The following RAB10 variants were observed in gnomAD, a reference collection of about 807,000 sequenced individuals.
RAB10 encodes the protein ras-related protein Rab-10.
A neutral mutation model predicts 25.7 loss-of-function variants in RAB10; 5 were observed. That is an observed-to-expected ratio of 0.19 (90% CI 0.10 to 0.41). RAB10 has a LOEUF of 0.41. Among genes scored for constraint, RAB10 ranks in the 10% least tolerant of loss-of-function variants. The pLI, the probability that RAB10 is intolerant of heterozygous loss-of-function variation, is 1.00. For missense variants in RAB10, 103 were observed against 245.8 expected, an observed-to-expected ratio of 0.42 and a Z score of 3.89; for synonymous variants, 89 against 86.4, an observed-to-expected ratio of 1.03 and a Z score of -0.16.
At chr2:26,062,470 G>C (rs1467389860) in intron 1 of RAB10, among the ~76,000 whole-genome samples, 1 of 152,064 alleles carries the variant, frequency 6.6e-6, no homozygotes, top group Non-Finnish European at 1.5e-5. Context: ...TTGAGGCCAG[G>C]AGTTTGAGAC....
chr2:26,067,828 C>A (rs1666544254), intron 1 of RAB10, among the ~76,000 whole-genome samples: 1 of 152,160 alleles, frequency 6.6e-6, no homozygotes, highest in East Asian at 1.9e-4. Context: ...TATTTTGATG[C>A]AACTTTGTTA....
intron 3 of RAB10, among the ~76,000 whole-genome samples, chr2:26,112,352 G>A (rs894928053): frequency 3.9e-5 from 6 of 152,072 alleles, no homozygotes; most frequent in African/African-American, 1.4e-4. Context: ...CTGGAGACCA[G>A]CCCCCATTCT....
At chr2:26,063,998 C>T (rs1666462875) in intron 1 of RAB10, among the ~76,000 whole-genome samples, 1 of 152,110 alleles carries the variant, frequency 6.6e-6, no homozygotes, top group Admixed American at 6.5e-5. Context: ...TGGGATTTCA[C>T]TATGTGTTGG....
chr2:26,077,203 T>A (rs1163571302), intron 1 of RAB10, among the ~76,000 whole-genome samples: 4 of 152,212 alleles, frequency 2.6e-5, no homozygotes, highest in Non-Finnish European at 5.9e-5. Flanking sequence ...TCGTGTGAAA[T>A]GTAAATTGTT....
rs1474716167 is a variant in RAB10, at chr2:26,066,799, T to TC, written c.128-31863_128-31862insC. 6.5e-5 allele frequency among the ~76,000 whole-genome samples: 5 copies of TC among 77,222 alleles called. No individual in the cohort carries two copies. The Admixed American group carries it at 7.1e-4, about 11-fold the overall frequency. The allele number at this position is 77,222 out of a possible 152,430, so 50.7% of individuals were successfully genotyped here. ...TCAATTTTTTTTTTTTTTTTTTTTT[T>TC]TGATACGGAGTCTCACTCTGTCACC... is the stretch of plus-strand genomic sequence containing the variant. On this transcript the variant is annotated intron_variant, in intron 1 of 5. Transcript: ENST00000264710.
rs192208511 is a variant in RAB10 at position 26,081,039 on chromosome 2, C to T, written c.128-17623C>T. On this transcript the variant is annotated intron_variant, in intron 1 of 5. Transcript: ENST00000264710. The stretch of plus-strand genomic sequence containing the variant: ...GTGGGAGGTAATTGAATCATGGGGA[C>T]GGGTCTTTCCTGTGATAGTGAATAA... Among the ~76,000 whole-genome samples, 4 of 152,134 alleles carry T rather than the reference C, an allele frequency of 2.6e-5. No individual in the cohort carries two copies. The East Asian group carries it at 5.8e-4, about 22-fold the overall frequency.
intron 1 of RAB10, among the ~76,000 whole-genome samples, chr2:26,066,420 G>T (rs1666513280): frequency 6.6e-6 from 1 of 152,142 alleles, no homozygotes; most frequent in Non-Finnish European, 1.5e-5. Context: ...TATTGCCTTT[G>T]AATTAAATGT....
In RAB10 at chr2:26,137,201, TGAA is replaced by T. The variant is rs1329410973; in HGVS notation, c.*2182_*2184del. Reference sequence around the variant, plus strand: ...CTTTCTAAATATCAAAAAAGGGAAATGAAGTATAAATCAATTTTTGTATAATCT... The same window carrying T: ...CTTTCTAAATATCAAAAAAGGGAAATGTATAAATCAATTTTTGTATAATCT... On this transcript the variant is annotated 3_prime_UTR_variant, in exon 6 of 6. Coordinates refer to ENST00000264710, the MANE Select transcript of RAB10 (RefSeq NM_016131.5). 6.6e-6 allele frequency: 1 copy of T among 152,662 alleles called. No homozygotes were observed. Among genetic ancestry groups the T allele is most frequent in the Non-Finnish European group, 1.5e-5 (1 of 68,042 alleles). 9.5% of individuals were successfully genotyped at this position (152,662 alleles called of 1,614,324 possible).
At chr2:26,104,317 A>G (rs1667420630) in intron 2 of RAB10, among the ~76,000 whole-genome samples, 1 of 152,122 alleles carries the variant, frequency 6.6e-6, no homozygotes, top group African/African-American at 2.4e-5. Context: ...TTTTATTTGC[A>G]TTTCACTAAT....
intron 3 of RAB10, among the ~76,000 whole-genome samples, chr2:26,115,403 T>C (rs2149285698): frequency 6.6e-6 from 1 of 152,172 alleles, no homozygotes; most frequent in South Asian, 2.1e-4. Flanking sequence ...GGAACATCAC[T>C]CAGCCATTAA....
At chr2:26,085,854 C>T (rs1666969462) in intron 1 of RAB10, among the ~76,000 whole-genome samples, 1 of 151,096 alleles carries the variant, frequency 6.6e-6, no homozygotes, top group African/African-American at 2.4e-5. Flanking sequence ...AAAAAATTAG[C>T]TGGGCATGGT....
Position 26,066,777 on chromosome 2 carries a change from A to ATTTTTTT in RAB10, c.128-31868_128-31862dup, listed in dbSNP as rs3065544. ...GGGACACAGCAAAACCATGCCATCA[A>ATTTTTTT]TTTTTTTTTTTTTTTTTTTTTTTGA... On this transcript the variant is annotated intron_variant, in intron 1 of 5. Transcript: ENST00000264710. 5.4e-4 allele frequency among the ~76,000 whole-genome samples: 59 copies of ATTTTTTT among 110,230 alleles called. 1 individual carries two copies. Among genetic ancestry groups the ATTTTTTT allele is most frequent in the African/African-American group, 1.9e-3 (57 of 29,510 alleles). The allele number at this position is 110,230 out of a possible 152,430, so 72.3% of individuals were successfully genotyped here.
intron 1 of RAB10, among the ~76,000 whole-genome samples, chr2:26,052,011 C>T (rs1462039397): frequency 1.3e-5 from 2 of 150,966 alleles, no homozygotes; most frequent in Non-Finnish European, 3.0e-5. Context: ...GAGCTGAGAT[C>T]CCGCCACTGC....
chr2:26,074,307 C>T (rs771827347), intron 1 of RAB10, among the ~76,000 whole-genome samples: 1 of 152,158 alleles, frequency 6.6e-6, no homozygotes, highest in Non-Finnish European at 1.5e-5. Context: ...ATATTTTAAA[C>T]AGCTTATCTC....
chr2:26,124,663 T>C (rs1207513406), intron 3 of RAB10, among the ~76,000 whole-genome samples: 1 of 152,116 alleles, frequency 6.6e-6, no homozygotes, highest in Admixed American at 6.6e-5. Flanking sequence ...TCAGTGGTGT[T>C]AAGTACATTC....
At chr2:26,083,105 C>T (rs764715440) in intron 1 of RAB10, among the ~76,000 whole-genome samples, 38 of 152,114 alleles carry the variant, frequency 2.5e-4, no homozygotes, top group Non-Finnish European at 4.3e-4. Flanking sequence ...AGTTAACACA[C>T]TTTAATGGCA....
intron 1 of RAB10, among the ~76,000 whole-genome samples, chr2:26,036,795 A>G (rs886154177): frequency 5.9e-5 from 9 of 151,592 alleles, no homozygotes; most frequent in Non-Finnish European, 1.3e-4. Context: ...GGTCAACTTT[A>G]TTTATTTATT....
chr2:26,063,160 A>G (rs1159680843), intron 1 of RAB10, among the ~76,000 whole-genome samples: 1 of 151,770 alleles, frequency 6.6e-6, no homozygotes, highest in East Asian at 1.9e-4. Flanking sequence ...TTTAAAATCT[A>G]ATGGTCAATC....
intron 1 of RAB10, among the ~76,000 whole-genome samples, chr2:26,084,467 G>A (rs1375434772): frequency 6.6e-6 from 1 of 152,180 alleles, no homozygotes; most frequent in African/African-American, 2.4e-5. Flanking sequence ...AAATCATGTT[G>A]GGTCATATGT....
Sources: allele counts gnomAD v4.1 joint callset (sites outside exome capture counted in the v4.1 genomes callset), GRCh38; gene constraint gnomAD v4.1.1; transcripts MANE v1.5; gene names NCBI Gene and HGNC (gene_info 2026-07-23, HGNC 2026-07-21).